Variants in NRXN1 observed in about 807,000 individuals in gnomAD.
NRXN1 encodes the protein neurexin-1.
Under a neutral mutation model 150.9 loss-of-function variants are expected in NRXN1, and 39 were observed. The observed-to-expected ratio is 0.26, with a 90% CI of 0.20 to 0.34. The LOEUF (loss-of-function observed/expected upper bound fraction) is 0.34, where lower values mean the gene tolerates loss of function less well. NRXN1 is among the 10% of genes least tolerant of loss of function. NRXN1 has a pLI of 1.00. For missense variants in NRXN1, 1,815 were observed against 1,949.9 expected, an observed-to-expected ratio of 0.93 and a Z score of 1.30; for synonymous variants, 924 against 757.0, an observed-to-expected ratio of 1.22 and a Z score of -3.62.
chr2:50,862,790 G>A lies in NRXN1; in HGVS notation c.832+59079C>T, dbSNP rs183470571. Among the ~76,000 whole-genome samples, 144 of 152,126 alleles carry A rather than the reference G, an allele frequency of 9.5e-4. 1 individual carries two copies. The highest frequency in any genetic ancestry group is 3.4e-3 in the Middle Eastern group (1 of 294). On this transcript the variant is annotated intron_variant, in intron 5 of 22. Coordinates refer to ENST00000401669, the MANE Select transcript of NRXN1 (RefSeq NM_001330078.2). Reference sequence around the variant, plus strand: ...CCTTTTCACAGATGAGAAAACCAAGGATTAGAAATGGAAATGTGCCTCATA... The same window carrying A: ...CCTTTTCACAGATGAGAAAACCAAGAATTAGAAATGGAAATGTGCCTCATA...
chr2:50,303,323 A>G (rs2074332475), intron 17 of NRXN1, among the ~76,000 whole-genome samples: 4 of 152,172 alleles, frequency 2.6e-5, no homozygotes. Flanking sequence ...GTTACTTAGA[A>G]TGATGAGCGT....
intron 19 of NRXN1, 79 bp downstream of exon 19, chr2:50,091,244 G>T: frequency 6.6e-7 from 1 of 1,522,750 alleles, no homozygotes; most frequent in Non-Finnish European, 9.1e-7. Flanking sequence ...ACAATTTGGT[G>T]AAACGGATGC....
rs1172928653 is a variant in NRXN1, at chr2:50,551,011, G to GGAGGAAGAGGAA, written c.1759+1564_1759+1575dup. Among the ~76,000 whole-genome samples the GGAGGAAGAGGAA allele has an allele frequency of 2.4e-3, 283 of 119,190 alleles. 3 individuals carry two copies. Among genetic ancestry groups the GGAGGAAGAGGAA allele is most frequent in the East Asian group, 3.6e-3 (13 of 3,628 alleles). The allele number at this position is 119,190 out of a possible 152,430, so 78.2% of individuals were successfully genotyped here. A position where few individuals can be genotyped will look rare whatever the true frequency, so the allele number is the denominator to read the frequency against. ...TCAGCTTAAATCAGAAAGAAGAGGA[G>GGAGGAAGAGGAA]GAGGAAGAGGAAGAGGAAGAGGAAG... On this transcript the variant is annotated intron_variant, in intron 9 of 22. Transcript: ENST00000401669.
chr2:50,251,047 ATGT>A (rs2067014543), intron 17 of NRXN1, among the ~76,000 whole-genome samples: 1 of 151,236 alleles, frequency 6.6e-6, no homozygotes. Flanking sequence ...AATTTATTAC[ATGT>A]TGTATATGTA....
intron 18 of NRXN1, among the ~76,000 whole-genome samples, chr2:50,171,101 A>C (rs1169748497): frequency 6.6e-6 from 1 of 152,132 alleles, no homozygotes; most frequent in South Asian, 2.1e-4. Flanking sequence ...CATCCTTGTC[A>C]ACTTCACATT....
chr2:50,698,389 T>C (rs998147684), intron 5 of NRXN1, among the ~76,000 whole-genome samples: 2 of 152,206 alleles, frequency 1.3e-5, no homozygotes, highest in African/African-American at 4.8e-5. Flanking sequence ...AGAATCTAGC[T>C]CTCTTAAGCC....
At chr2:50,929,330 C>T (rs1421059303) in intron 2 of NRXN1, among the ~76,000 whole-genome samples, 1 of 152,006 alleles carries the variant, frequency 6.6e-6, no homozygotes, top group African/African-American at 2.4e-5. Context: ...CAAAAATCTC[C>T]TTTCTGTATA....
chr2:50,759,758 G>C (rs1382484562), intron 5 of NRXN1, among the ~76,000 whole-genome samples: 1 of 151,274 alleles, frequency 6.6e-6, no homozygotes, highest in Admixed American at 6.6e-5. Context: ...AACCACTGTG[G>C]CCAAGAATTT....
At chr2:50,994,212 G>C (rs1360907245) in intron 2 of NRXN1, among the ~76,000 whole-genome samples, 2 of 151,812 alleles carry the variant, frequency 1.3e-5, no homozygotes, top group African/African-American at 4.8e-5. Context: ...CTTAGAGTCT[G>C]TACAATTAAG....
chr2:49,974,369 A>G (rs78048965), intron 21 of NRXN1, among the ~76,000 whole-genome samples: 15,634 of 152,136 alleles, frequency 0.1, 848 homozygotes, highest in Middle Eastern at 0.21. Flanking sequence ...TCCCCTAACG[A>G]GACCGCATAG....
intron 17 of NRXN1, among the ~76,000 whole-genome samples, chr2:50,448,833 C>T (rs1018637466): frequency 3.3e-5 from 5 of 151,672 alleles, no homozygotes; most frequent in African/African-American, 1.2e-4. Flanking sequence ...GCACGTGGCT[C>T]CACATAAAAT....
At chr2:50,701,913 G>T (rs1363344231) in intron 5 of NRXN1, among the ~76,000 whole-genome samples, 2 of 151,960 alleles carry the variant, frequency 1.3e-5, no homozygotes, top group East Asian at 1.9e-4. Flanking sequence ...GTCCCTCATA[G>T]GATCTCAGTG....
chr2:50,822,214 T>C (rs1017039064), intron 5 of NRXN1, among the ~76,000 whole-genome samples: 1 of 152,162 alleles, frequency 6.6e-6, no homozygotes, highest in African/African-American at 2.4e-5. Context: ...TAGTATAATT[T>C]TGCTTTTCAT....
intron 5 of NRXN1, among the ~76,000 whole-genome samples, chr2:50,714,322 T>C (rs148927664): frequency 2.6e-4 from 39 of 152,262 alleles, no homozygotes; most frequent in African/African-American, 9.1e-4. Context: ...AAAGCCATAA[T>C]TCAGACCTCC....
chr2:50,269,735 G>A lies in NRXN1; in HGVS notation c.3365-32765C>T, dbSNP rs188056700. Reference sequence around the variant, plus strand: ...TATAAATTAGCGCAATTTTGAAAATGTAAATATCAATTATTGTGTTACAAA... The same window carrying A: ...TATAAATTAGCGCAATTTTGAAAATATAAATATCAATTATTGTGTTACAAA... On this transcript the variant is annotated intron_variant, in intron 17 of 22. Transcript: ENST00000401669. Among the ~76,000 whole-genome samples, 758 of 152,230 alleles carry A rather than the reference G, an allele frequency of 5.0e-3. 10 individuals are homozygous for A. The highest frequency in any genetic ancestry group is 6.8e-3 in the Middle Eastern group (2 of 294).
chr2:50,752,205 C>CA (rs796474186), intron 5 of NRXN1, among the ~76,000 whole-genome samples: 10 of 151,262 alleles, frequency 6.6e-5, no homozygotes, highest in East Asian at 3.9e-4. Flanking sequence ...ATCTAGTCCT[C>CA]AAAAAAAAAT....
chr2:50,523,052 C>G (rs1393019697), intron 12 of NRXN1, among the ~76,000 whole-genome samples: 2 of 151,904 alleles, frequency 1.3e-5, no homozygotes, highest in African/African-American at 4.8e-5. Flanking sequence ...CGATATTATT[C>G]TAAAGACTCA....
intron 5 of NRXN1, among the ~76,000 whole-genome samples, chr2:50,885,448 A>C (rs1459501015): frequency 6.6e-6 from 1 of 151,244 alleles, no homozygotes. Context: ...AAAATATCAT[A>C]CTTATTTGTA....
chr2:50,890,482 G>A (rs1680887183), intron 5 of NRXN1, among the ~76,000 whole-genome samples: 1 of 151,578 alleles, frequency 6.6e-6, no homozygotes, highest in African/African-American at 2.4e-5. Context: ...TTATTTCAAA[G>A]TTTTACTTAG....
Sources: gnomAD v4.1 joint callset for allele counts (sites outside exome capture counted in the v4.1 genomes callset) on GRCh38, gnomAD v4.1.1 for gene constraint, MANE v1.5 for transcripts, NCBI Gene and HGNC (gene_info 2026-07-23, HGNC 2026-07-21) for gene names.